The following CNTNAP4 variants were observed in gnomAD, a reference collection of about 807,000 sequenced individuals.
The protein encoded by CNTNAP4 is contactin associated protein family member 4.
CNTNAP4 carries 98 observed loss-of-function variants against 148.4 expected under a neutral mutation model. The observed-to-expected ratio is 0.66, with a 90% CI of 0.56 to 0.78. The LOEUF is 0.78. Ranked by LOEUF, CNTNAP4 falls within the 30% of genes least tolerant of loss-of-function variation. The probability of loss-of-function intolerance (pLI) is 0.00; values close to 1 mark genes in which losing one functional copy is unlikely to be tolerated. For synonymous variants in CNTNAP4, 730 were observed against 565.1 expected, an observed-to-expected ratio of 1.29 and a Z score of -4.14; for missense variants, 1,935 against 1,565.6, an observed-to-expected ratio of 1.24 and a Z score of -3.98.
intron 3 of CNTNAP4, among the ~76,000 whole-genome samples, chr16:76,388,893 T>C (rs2016729350): frequency 6.6e-6 from 1 of 152,226 alleles, no homozygotes. Flanking sequence ...AATTGTTCTT[T>C]GTGTGCTTTA....
chr16:76,516,100 AC>A (rs2083241033), intron 15 of CNTNAP4, among the ~76,000 whole-genome samples: 1 of 68,808 alleles, frequency 1.5e-5, no homozygotes, highest in Non-Finnish European at 3.1e-5. Flanking sequence ...CTTGCCCCCC[AC>A]CCCCCAACAG....
chr16:76,319,571 G>C (rs901014328), intron 2 of CNTNAP4, among the ~76,000 whole-genome samples: 3 of 152,144 alleles, frequency 2.0e-5, no homozygotes, highest in Non-Finnish European at 4.4e-5. Flanking sequence ...GGTCTTATCA[G>C]ATATCATCAA....
At chr16:76,510,922 A>T (rs939658411) in intron 15 of CNTNAP4, among the ~76,000 whole-genome samples, 2 of 152,070 alleles carry the variant, frequency 1.3e-5, no homozygotes, top group Admixed American at 6.5e-5. Flanking sequence ...TTCACCTTGT[A>T]TGTGACTTGC....
chr16:76,352,010 A>G (rs1458188974), intron 2 of CNTNAP4, among the ~76,000 whole-genome samples: 3 of 152,206 alleles, frequency 2.0e-5, no homozygotes, highest in Non-Finnish European at 4.4e-5. Context: ...TAGAAAGGGC[A>G]AGAAGGAAAC....
At chr16:76,543,426 A>G (rs1276219102) in intron 21 of CNTNAP4, among the ~76,000 whole-genome samples, 1 of 152,242 alleles carries the variant, frequency 6.6e-6, no homozygotes, top group Non-Finnish European at 1.5e-5. Context: ...TTACTGTGTT[A>G]GTCCAGGTCC....
At chr16:76,386,143 G>A (rs1422326507) in intron 3 of CNTNAP4, among the ~76,000 whole-genome samples, 1 of 152,076 alleles carries the variant, frequency 6.6e-6, no homozygotes, top group African/African-American at 2.4e-5. Flanking sequence ...GCTTTGATTT[G>A]GGGTTAAAAA....
intron 3 of CNTNAP4, among the ~76,000 whole-genome samples, chr16:76,384,720 C>G (rs139067208): frequency 5.9e-5 from 9 of 152,226 alleles, no homozygotes; most frequent in Admixed American, 2.6e-4. Flanking sequence ...CTCGAAATCA[C>G]CAGTTGTCAT....
chr16:76,355,045 C>T (rs554443981), intron 2 of CNTNAP4, among the ~76,000 whole-genome samples: 1 of 152,268 alleles, frequency 6.6e-6, no homozygotes, highest in South Asian at 2.1e-4. Flanking sequence ...GTTCACCTAT[C>T]ATATTAAACA....
chr16:76,316,541 C>A lies in CNTNAP4; in HGVS notation c.196+18C>A. 6.6e-7 allele frequency: 1 copy of A among 1,510,444 alleles called. No individual in the cohort carries two copies. Among genetic ancestry groups the A allele is most frequent in the Non-Finnish European group, 9.2e-7 (1 of 1,086,912 alleles). 93.6% of individuals were successfully genotyped at this position (1,510,444 alleles called of 1,614,324 possible). ...AAGAGATGGTAAGTCTGCTTTTCTC[C>A]TCTGACTGGCCCATAGAAAATCTCA... On this transcript the variant is annotated intron_variant, in intron 2 of 23. Coordinates refer to ENST00000611870, the MANE Select transcript of CNTNAP4 (RefSeq NM_033401.5).
At chr16:76,499,798 A>AC (rs1459212309) in intron 15 of CNTNAP4, among the ~76,000 whole-genome samples, 9 of 151,836 alleles carry the variant, frequency 5.9e-5, no homozygotes, top group Non-Finnish European at 7.4e-5. Context: ...CTGTTTAACA[A>AC]AGCACATCTT....
At chr16:76,447,853 G>A (rs2080306785) in intron 4 of CNTNAP4, among the ~76,000 whole-genome samples, 159 bp from the exon 5 acceptor site, 1 of 152,096 alleles carries the variant, frequency 6.6e-6, no homozygotes, top group African/African-American at 2.4e-5. Context: ...AACTTAAGAT[G>A]GGTTTATCAG....
intron 3 of CNTNAP4, among the ~76,000 whole-genome samples, chr16:76,422,235 T>C (rs12931349): frequency 0.37 from 55,586 of 152,024 alleles, 11,398 homozygotes; most frequent in Non-Finnish European, 0.44. Context: ...GTTTTTATCA[T>C]GTAAGACATA....
intron 3 of CNTNAP4, among the ~76,000 whole-genome samples, chr16:76,392,634 T>A (rs1372588805): frequency 6.6e-6 from 1 of 152,238 alleles, no homozygotes; most frequent in Non-Finnish European, 1.5e-5. Context: ...CTAGCAGGTC[T>A]GCTCAAGTAC....
rs925036462 is a variant in CNTNAP4 at position 76,516,031 on chromosome 16, C to T, written c.2366-5109C>T. Among the ~76,000 whole-genome samples the T allele has an allele frequency of 5.9e-5, 9 of 152,226 alleles. No homozygotes were observed. In the East Asian group the frequency reaches 9.7e-4, roughly 16 times the overall value. ...CAGGCGTTGGCTGCACCTATCAACCCGTCATCTAGGTTTTAAGCCCCGCAT... is the reference window on the plus strand; with the variant it reads ...CAGGCGTTGGCTGCACCTATCAACCTGTCATCTAGGTTTTAAGCCCCGCAT... On this transcript the variant is annotated intron_variant, in intron 15 of 23. Coordinates refer to ENST00000611870, the MANE Select transcript of CNTNAP4 (RefSeq NM_033401.5).
chr16:76,539,707 T>G lies in CNTNAP4; in HGVS notation c.3221-12T>G. 1 of 1,571,692 alleles carries G rather than the reference T, an allele frequency of 6.4e-7. No homozygotes were observed. The highest frequency in any genetic ancestry group is 8.6e-7 in the Non-Finnish European group (1 of 1,166,240). ...TTTTTACTAAAAGAATCACAATTTT[T>G]CCCCACTCTAGGAAGTTTGCAGATC... On this transcript the variant is annotated splice_polypyrimidine_tract_variant and intron_variant, in intron 19 of 23. Coordinates refer to ENST00000611870, the MANE Select transcript of CNTNAP4 (RefSeq NM_033401.5).
chr16:76,494,253 C>T (rs1293192656), intron 13 of CNTNAP4, among the ~76,000 whole-genome samples: 1 of 152,072 alleles, frequency 6.6e-6, no homozygotes, highest in Admixed American at 6.6e-5. Context: ...ATGCATTTGG[C>T]TGAGGGAAAC....
At chr16:76,453,531 A>G (rs1352254343) in intron 8 of CNTNAP4, among the ~76,000 whole-genome samples, 1 of 152,218 alleles carries the variant, frequency 6.6e-6, no homozygotes, top group Non-Finnish European at 1.5e-5. Flanking sequence ...ATGGCATCCA[A>G]GCCAAGCAAC....
At chr16:76,284,900 A>G (rs1251860771) in intron 1 of CNTNAP4, among the ~76,000 whole-genome samples, 2 of 152,016 alleles carry the variant, frequency 1.3e-5, no homozygotes, top group Non-Finnish European at 2.9e-5. Context: ...TCTGACATAT[A>G]ATTGCACAAG....
chr16:76,336,156 T>C (rs1208299497), intron 2 of CNTNAP4, among the ~76,000 whole-genome samples: 5 of 152,078 alleles, frequency 3.3e-5, no homozygotes, highest in Admixed American at 2.0e-4. Flanking sequence ...ATTTTCTACA[T>C]GAGAAAGAAT....
Sources: allele counts gnomAD v4.1 joint callset (sites outside exome capture counted in the v4.1 genomes callset), GRCh38; gene constraint gnomAD v4.1.1; transcripts MANE v1.5; gene names NCBI Gene and HGNC (gene_info 2026-07-23, HGNC 2026-07-21).